LRRC4C: variants seen among roughly 807,000 people sequenced by gnomAD.
LRRC4C encodes leucine-rich repeat-containing protein 4C.
A neutral mutation model predicts 33.6 loss-of-function variants in LRRC4C; 5 were observed. The ratio of observed to expected loss-of-function variants is 0.15; its 90% CI spans 0.08 to 0.31. The LOEUF is 0.31. Among genes scored for constraint, LRRC4C ranks in the 10% least tolerant of loss-of-function variants. The probability of loss-of-function intolerance (pLI) is 1.00; values close to 1 mark genes in which losing one functional copy is unlikely to be tolerated. For synonymous variants in LRRC4C, 329 were observed against 302.0 expected (o/e 1.09, Z -0.93); for missense variants, 560 against 796.7 (o/e 0.70, Z 3.58).
chr11:40,780,805 C>T (rs561482970), intron 2 of LRRC4C, among the ~76,000 whole-genome samples: 11 of 144,824 alleles, frequency 7.6e-5, no homozygotes, highest in African/African-American at 1.8e-4. Flanking sequence ...TTTTTTAATA[C>T]GAGGAAGGAT....
intron 2 of LRRC4C, among the ~76,000 whole-genome samples, chr11:40,771,991 CT>C (rs1395235608): frequency 6.6e-6 from 1 of 152,154 alleles, no homozygotes; most frequent in Non-Finnish European, 1.5e-5. Flanking sequence ...TTACTGTTAC[CT>C]AGTTCCAAAG....
chr11:40,380,810 T>A (rs1157907124), intron 3 of LRRC4C, among the ~76,000 whole-genome samples: 2 of 152,224 alleles, frequency 1.3e-5, no homozygotes, highest in Non-Finnish European at 2.9e-5. Flanking sequence ...AAAATATTAT[T>A]GCTGTGAACA....
At chr11:40,701,976 C>T (rs1945881624) in intron 2 of LRRC4C, among the ~76,000 whole-genome samples, 2 of 151,858 alleles carry the variant, frequency 1.3e-5, no homozygotes, top group Non-Finnish European at 2.9e-5. Context: ...ATAATAGTCA[C>T]ATTTGAAATA....
At chr11:40,594,111 C>A (rs181167813) in intron 3 of LRRC4C, among the ~76,000 whole-genome samples, 1 of 152,274 alleles carries the variant, frequency 6.6e-6, no homozygotes, top group Non-Finnish European at 1.5e-5. Context: ...AGCTCTCCCT[C>A]GTCATTGCAA....
At position 40,262,669 on chromosome 11, in the gene LRRC4C, A is replaced by C. The variant is rs145554878; in HGVS notation, c.-175-21071T>G. Among the ~76,000 whole-genome samples, 5 of 152,332 alleles carry C rather than the reference A, an allele frequency of 3.3e-5. No individual in the cohort carries two copies. The South Asian group carries it at 8.3e-4, about 25-fold the overall frequency. ...ATGCAGCCATAAAAAGGATGAGTTC[A>C]TGTCCTTTGCAGGGACATGGATGCA... is the stretch of plus-strand genomic sequence containing the variant. On this transcript the variant is annotated intron_variant, in intron 4 of 6. Transcript: ENST00000528697.
chr11:41,293,564 GTTATT>G (rs924657978), intron 1 of LRRC4C, among the ~76,000 whole-genome samples: 3 of 151,662 alleles, frequency 2.0e-5, no homozygotes, highest in African/African-American at 4.8e-5. Context: ...CACTAATCAT[GTTATT>G]TTATTTTTTT....
chr11:41,319,599 A>G (rs2137258763), intron 1 of LRRC4C, among the ~76,000 whole-genome samples: 1 of 152,288 alleles, frequency 6.6e-6, no homozygotes, highest in African/African-American at 2.4e-5. Context: ...CTGGAGTGTC[A>G]TGGCACAATC....
chr11:41,416,002 TGCTTGATACTGGGTG>T lies in LRRC4C; in HGVS notation c.-496+43414_-496+43428del, dbSNP rs144263398. 9.3e-4 allele frequency among the ~76,000 whole-genome samples: 142 copies of T among 152,134 alleles called. 1 individual carries two copies. In the East Asian group the frequency reaches 0.026, roughly 28 times the overall value. On this transcript the variant is annotated intron_variant, in intron 1 of 6. Coordinates refer to ENST00000528697, the MANE Select transcript of LRRC4C (RefSeq NM_001258419.2). ...CTCTCTCTCTCTCTTTGAGCTTCTT[TGCTTGATACTGGGTG>T]GCTGATTCTGATCATCTGGGGCTCC...
intron 1 of LRRC4C, among the ~76,000 whole-genome samples, chr11:41,151,435 G>A (rs143027938): frequency 2.6e-5 from 4 of 152,324 alleles, no homozygotes; most frequent in African/African-American, 7.2e-5. Context: ...AGGCATCTAT[G>A]TGGGGAAGGG....
chr11:40,234,902 G>T (rs1865451544), intron 5 of LRRC4C, among the ~76,000 whole-genome samples: 1 of 152,152 alleles, frequency 6.6e-6, no homozygotes, highest in South Asian at 2.1e-4. Context: ...TTTAGACTTT[G>T]CCCAATGCCC....
chr11:40,494,444 A>G (rs1480126024), intron 3 of LRRC4C, among the ~76,000 whole-genome samples: 1 of 152,166 alleles, frequency 6.6e-6, no homozygotes, highest in East Asian at 1.9e-4. Context: ...AATAGTGATT[A>G]TTTCTGAGGG....
intron 1 of LRRC4C, among the ~76,000 whole-genome samples, chr11:41,095,111 C>A (rs1421779187): frequency 6.6e-6 from 1 of 152,134 alleles, no homozygotes; most frequent in Non-Finnish European, 1.5e-5. Context: ...ACTCACAGTT[C>A]TGCATAGCTG....
At chr11:40,400,806 C>T (rs111976503) in intron 3 of LRRC4C, among the ~76,000 whole-genome samples, 1 of 152,098 alleles carries the variant, frequency 6.6e-6, no homozygotes, top group Non-Finnish European at 1.5e-5. Context: ...AATGTCATTC[C>T]CTCCTCAAAT....
chr11:41,194,035 T>C (rs1946077945), intron 1 of LRRC4C, among the ~76,000 whole-genome samples: 1 of 151,976 alleles, frequency 6.6e-6, no homozygotes, highest in Non-Finnish European at 1.5e-5. Context: ...AACCAACCTC[T>C]CCTCTTCAGC....
intron 1 of LRRC4C, among the ~76,000 whole-genome samples, chr11:41,161,070 T>C (rs541040172): frequency 6.6e-6 from 1 of 152,250 alleles, no homozygotes; most frequent in Non-Finnish European, 1.5e-5. Flanking sequence ...TAATAAACCA[T>C]GTGTTTCCTA....
intron 3 of LRRC4C, among the ~76,000 whole-genome samples, chr11:40,527,758 T>A (rs996438057): frequency 6.6e-6 from 1 of 150,832 alleles, no homozygotes; most frequent in African/African-American, 2.4e-5. Context: ...AGAAGATAAT[T>A]TTTTTTTTTG....
At chr11:40,694,672 C>T (rs11036024) in intron 2 of LRRC4C, among the ~76,000 whole-genome samples, 57,797 of 152,006 alleles carry the variant, frequency 0.38, 13,242 homozygotes, top group East Asian at 0.52. Context: ...GTGTCTTAGG[C>T]TAATGTGGAC....
rs75664932 is a variant in LRRC4C, at chr11:41,012,837, T to C, written c.-495-79114A>G. Among the ~76,000 whole-genome samples the C allele has an allele frequency of 2.4e-3, 365 of 152,298 alleles. 2 individuals carry two copies. Among genetic ancestry groups the C allele is most frequent in the African/African-American group, 8.6e-3 (357 of 41,574 alleles). On this transcript the variant is annotated intron_variant, in intron 1 of 6. Transcript: ENST00000528697. ...TTGAATTGGCATTTCTCCGATGATT[T>C]GTGGTACTGAACATTTTCTCATATA...
At chr11:41,130,852 C>T (rs1942978860) in intron 1 of LRRC4C, among the ~76,000 whole-genome samples, 1 of 151,974 alleles carries the variant, frequency 6.6e-6, no homozygotes, top group South Asian at 2.1e-4. Context: ...ATAATTGTCT[C>T]TCCTCCAACC....
Sources: allele counts gnomAD v4.1 joint callset (sites outside exome capture counted in the v4.1 genomes callset), GRCh38; gene constraint gnomAD v4.1.1; transcripts MANE v1.5; gene names NCBI Gene and HGNC (gene_info 2026-07-23, HGNC 2026-07-21).